The following TPRG1 variants were observed in gnomAD, a reference collection of about 807,000 sequenced individuals.
TPRG1 encodes tumor protein p63 regulated 1, also known as tumor protein p63-regulated gene 1 protein.
Under a neutral mutation model 29.3 loss-of-function variants are expected in TPRG1, and 29 were observed. That is an observed-to-expected ratio of 0.99 (90% CI 0.74 to 1.35). The LOEUF (loss-of-function observed/expected upper bound fraction) is 1.35, where lower values mean the gene tolerates loss of function less well. Ranked by LOEUF, TPRG1 falls within the 40% of genes most tolerant of loss-of-function variation. The pLI is 0.00. For missense variants in TPRG1, 327 were observed against 335.0 expected (o/e 0.98, Z 0.19); for synonymous variants, 130 against 116.8 (o/e 1.11, Z -0.73).
intron 4 of TPRG1, among the ~76,000 whole-genome samples, chr3:189,267,237 A>G (rs538354128): frequency 2.2e-4 from 34 of 152,204 alleles, no homozygotes; most frequent in Non-Finnish European, 4.4e-4. Context: ...CATATAGCCT[A>G]GGTTTGTAGT....
At chr3:189,055,580 T>A (rs868129614) in intron 4 of TPRG1, among the ~76,000 whole-genome samples, 2 of 152,194 alleles carry the variant, frequency 1.3e-5, no homozygotes, top group Non-Finnish European at 2.9e-5. Flanking sequence ...TCCATCTTCC[T>A]GACCAGAGGG....
At chr3:189,160,742 C>T (rs116398221) in intron 5 of TPRG1, among the ~76,000 whole-genome samples, 1,639 of 152,288 alleles carry the variant, frequency 0.011, 34 homozygotes, top group African/African-American at 0.038. Context: ...GTTTACCTGC[C>T]AGACCTGTTT....
intron 1 of TPRG1, among the ~76,000 whole-genome samples, chr3:189,116,710 A>G (rs1384367393): frequency 6.6e-6 from 1 of 152,210 alleles, no homozygotes; most frequent in Non-Finnish European, 1.5e-5. Context: ...GTATGATTCT[A>G]TTTACATGAG....
At chr3:189,167,804 G>A (rs1187693741), upstream of TPRG1, among the ~76,000 whole-genome samples, 1 of 152,192 alleles carries the variant, frequency 6.6e-6, no homozygotes, top group Non-Finnish European at 1.5e-5. Context: ...AACATTAGCA[G>A]ATTGGTATCC....
intron 4 of TPRG1, among the ~76,000 whole-genome samples, chr3:189,033,633 G>A (rs1714073071): frequency 6.6e-6 from 1 of 151,138 alleles, no homozygotes; most frequent in African/African-American, 2.4e-5. Context: ...AGGCTGGAGT[G>A]CAGTGGTGCA....
intron 1 of TPRG1, among the ~76,000 whole-genome samples, chr3:188,999,799 T>C (rs1383015325): frequency 6.6e-6 from 1 of 152,110 alleles, no homozygotes; most frequent in Non-Finnish European, 1.5e-5. Context: ...CTAATGGGCT[T>C]TATTAGCTAT....
intron 4 of TPRG1, among the ~76,000 whole-genome samples, chr3:189,239,837 C>T (rs984567133): frequency 1.3e-5 from 2 of 152,068 alleles, no homozygotes; most frequent in African/African-American, 4.8e-5. Flanking sequence ...TGACAATTAC[C>T]AAGAGACTTG....
At position 189,238,895 on chromosome 3, in the gene TPRG1, G is replaced by C; in HGVS notation, c.465G>C (p.Gly155=). The C allele has an allele frequency of 6.2e-7, 1 of 1,612,314 alleles. No individual in the cohort carries two copies. Among genetic ancestry groups the C allele is most frequent in the Non-Finnish European group, 8.5e-7 (1 of 1,178,918 alleles). The change falls in exon 4 of 6, where the codon GGG becomes GGC. Residue 155 remains glycine, a synonymous_variant. Transcript: ENST00000345063. ...RICLGKFTFP[G]MSLDKRQGEG... ...GCCTGGGCAAGTTCACCTTCCCTGG[G>C]ATGTCCCTGGACAAGTGAGTATATA...
intron 4 of TPRG1, among the ~76,000 whole-genome samples, chr3:189,287,425 T>C (rs2109177502): frequency 6.7e-6 from 1 of 149,514 alleles, no homozygotes; most frequent in East Asian, 2.0e-4. Context: ...TGAGACAGAG[T>C]CTTGCTCTGT....
At chr3:189,087,386 T>A (rs1397251301) in intron 4 of TPRG1, among the ~76,000 whole-genome samples, 5 of 152,134 alleles carry the variant, frequency 3.3e-5, no homozygotes, top group Admixed American at 6.6e-5. Flanking sequence ...GTTTGAGTTC[T>A]TTGTAGATTC....
At chr3:189,203,346 A>C (rs1405249450) in intron 1 of TPRG1, among the ~76,000 whole-genome samples, 3 of 151,990 alleles carry the variant, frequency 2.0e-5, no homozygotes, top group Non-Finnish European at 4.4e-5. Flanking sequence ...TTTTTTTTTT[A>C]ATGCTAAAAA....
At chr3:189,296,732 T>C (rs558892272) in intron 4 of TPRG1, among the ~76,000 whole-genome samples, 1 of 152,330 alleles carries the variant, frequency 6.6e-6, no homozygotes, top group South Asian at 2.1e-4. Flanking sequence ...GAAATAGGTG[T>C]CTGTTGTAGT....
At chr3:189,028,214 A>T (rs1713759335) in intron 4 of TPRG1, among the ~76,000 whole-genome samples, 1 of 152,184 alleles carries the variant, frequency 6.6e-6, no homozygotes, top group Admixed American at 6.5e-5. Context: ...ACTCCAGTCA[A>T]TCATATTGTC....
At chr3:189,084,319 G>A (rs1183710297) in intron 4 of TPRG1, among the ~76,000 whole-genome samples, 7 of 152,044 alleles carry the variant, frequency 4.6e-5, no homozygotes, top group Middle Eastern at 3.2e-3. Context: ...ATACCAATAC[G>A]TATGAGCTTG....
At chr3:189,162,153 T>C (rs1266495837) in intron 5 of TPRG1, among the ~76,000 whole-genome samples, 1 of 152,048 alleles carries the variant, frequency 6.6e-6, no homozygotes, top group East Asian at 1.9e-4. Flanking sequence ...CCACCATGCC[T>C]GGCTAATTTT....
intron 4 of TPRG1, among the ~76,000 whole-genome samples, chr3:189,281,357 A>G (rs1174208601): frequency 6.6e-6 from 1 of 152,240 alleles, no homozygotes; most frequent in East Asian, 1.9e-4. Context: ...AAAAATGGGA[A>G]GAAGTCCTAC....
chr3:189,023,639 C>T (rs1200544481), intron 3 of TPRG1: 2 of 152,184 alleles, frequency 1.3e-5, no homozygotes, highest in East Asian at 3.9e-4. Flanking sequence ...ATGGGCTTAC[C>T]TTTGATCTAT....
chr3:189,236,837 A>G (rs765973468), intron 3 of TPRG1, among the ~76,000 whole-genome samples: 1 of 151,684 alleles, frequency 6.6e-6, no homozygotes, highest in Admixed American at 6.6e-5. Context: ...GTGTCCTCCT[A>G]TTGATTCAAC....
At chr3:189,217,312 C>T (rs1320690576) in intron 3 of TPRG1, among the ~76,000 whole-genome samples, 1 of 152,162 alleles carries the variant, frequency 6.6e-6, no homozygotes, top group African/African-American at 2.4e-5. Context: ...AAATAGGAAG[C>T]TCAAAAGTTG....
Sources: allele counts gnomAD v4.1 joint callset (sites outside exome capture counted in the v4.1 genomes callset), GRCh38; gene constraint gnomAD v4.1.1; transcripts MANE v1.5; gene names NCBI Gene and HGNC (gene_info 2026-07-23, HGNC 2026-07-21).